Variants in CNBD1 observed in about 807,000 individuals in gnomAD.
CNBD1 encodes the protein cyclic nucleotide-binding domain-containing protein 1.
A neutral mutation model predicts 54.4 loss-of-function variants in CNBD1; 71 were observed. The ratio of observed to expected loss-of-function variants is 1.30; its 90% CI spans 1.08 to 1.59. The LOEUF is 1.59. Ranked by LOEUF, CNBD1 falls within the 40% of genes most tolerant of loss-of-function variation. The probability of loss-of-function intolerance (pLI) is 0.00; values close to 1 mark genes in which losing one functional copy is unlikely to be tolerated. For synonymous variants in CNBD1, 182 were observed against 170.7 expected (o/e 1.07, Z -0.51); for missense variants, 659 against 518.0 (o/e 1.27, Z -2.64).
At chr8:87,297,018 A>G (rs995047421) in intron 8 of CNBD1, among the ~76,000 whole-genome samples, 1 of 151,926 alleles carries the variant, frequency 6.6e-6, no homozygotes, top group South Asian at 2.1e-4. Flanking sequence ...TACTAAAAAT[A>G]CAAACAAAAA....
At position 87,371,995 on chromosome 8, in the gene CNBD1, AG is replaced by A. The variant is rs565066521; in HGVS notation, c.1304-10623del. On this transcript the variant is annotated intron_variant, in intron 10 of 10. Coordinates refer to ENST00000518476, the MANE Select transcript of CNBD1 (RefSeq NM_173538.3). ...GTTGGAAGTTCTGGCCAGGGCAATT[AG>A]GCAGGAGAAGGAAATAAAGGGTATT... Among the ~76,000 whole-genome samples the A allele has an allele frequency of 1.7e-3, 262 of 152,054 alleles. 1 individual carries two copies. Among genetic ancestry groups the A allele is most frequent in the African/African-American group, 5.9e-3 (245 of 41,494 alleles).
chr8:87,387,022 G>A (rs1196559006), downstream of CNBD1, among the ~76,000 whole-genome samples: 1 of 152,084 alleles, frequency 6.6e-6, no homozygotes, highest in Non-Finnish European at 1.5e-5. Flanking sequence ...CGTAAGTGAG[G>A]GAGAAATAAA....
chr8:87,073,420 C>G (rs1227427350), intron 4 of CNBD1, among the ~76,000 whole-genome samples: 1 of 152,040 alleles, frequency 6.6e-6, no homozygotes, highest in Non-Finnish European at 1.5e-5. Flanking sequence ...TTGATTCGTT[C>G]TTATCTTTGT....
chr8:87,204,009 G>C lies in CNBD1; in HGVS notation c.432-1984G>C, dbSNP rs143848522. On this transcript the variant is annotated intron_variant, in intron 4 of 10. Coordinates refer to ENST00000518476, the MANE Select transcript of CNBD1 (RefSeq NM_173538.3). ...GATCTGTTTTTTGGGAGGAACACCT[G>C]GCTCCACTACCTGGGAGGTTTTGTC... Among the ~76,000 whole-genome samples the C allele has an allele frequency of 2.7e-3, 408 of 152,250 alleles. 4 individuals carry two copies. Among genetic ancestry groups the C allele is most frequent in the Non-Finnish European group, 3.8e-3 (258 of 68,016 alleles).
At chr8:87,039,483 G>A (rs1810019653) in intron 4 of CNBD1, among the ~76,000 whole-genome samples, 1 of 151,980 alleles carries the variant, frequency 6.6e-6, no homozygotes, top group Non-Finnish European at 1.5e-5. Flanking sequence ...TTTACTAGAG[G>A]TTTATCTATT....
At chr8:87,416,995 A>G (rs913545788) in intron 2 of CNBD1, among the ~76,000 whole-genome samples, 2 of 152,206 alleles carry the variant, frequency 1.3e-5, no homozygotes, top group East Asian at 3.9e-4. Flanking sequence ...AATATCAAGT[A>G]TTATTTCATA....
intron 3 of CNBD1, among the ~76,000 whole-genome samples, chr8:86,938,914 G>T (rs1809599322): frequency 1.3e-5 from 2 of 152,082 alleles, no homozygotes; most frequent in African/African-American, 4.8e-5. Flanking sequence ...ATCTTCCTAT[G>T]TATATAATTA....
chr8:87,308,623 T>A (rs1441513820), intron 8 of CNBD1, among the ~76,000 whole-genome samples: 1 of 152,212 alleles, frequency 6.6e-6, no homozygotes, highest in African/African-American at 2.4e-5. Flanking sequence ...TCCAGCTATT[T>A]TGAAATATAC....
intron 2 of CNBD1, among the ~76,000 whole-genome samples, chr8:87,425,007 G>C (rs185724084): frequency 6.6e-6 from 1 of 152,020 alleles, no homozygotes; most frequent in Non-Finnish European, 1.5e-5. Flanking sequence ...TTTCTTGGAG[G>C]CTTTCCTCAT....
intron 8 of CNBD1, among the ~76,000 whole-genome samples, chr8:87,338,582 G>T (rs1011243518): frequency 6.7e-6 from 1 of 149,240 alleles, no homozygotes; most frequent in South Asian, 2.1e-4. Flanking sequence ...TATAGGTAAC[G>T]TATTTTTTAT....
intron 4 of CNBD1, among the ~76,000 whole-genome samples, chr8:87,186,974 T>C (rs1813491345): frequency 6.6e-6 from 1 of 152,116 alleles, no homozygotes; most frequent in Non-Finnish European, 1.5e-5. Context: ...TTAATTATCA[T>C]TGATTTGATA....
intron 4 of CNBD1, among the ~76,000 whole-genome samples, chr8:87,000,330 A>G (rs113095245): frequency 1.9e-4 from 29 of 152,198 alleles, no homozygotes; most frequent in African/African-American, 5.8e-4. Context: ...TGCCATGATT[A>G]TGTTACTTGA....
At chr8:87,017,391 C>A (rs1038894209) in intron 4 of CNBD1, among the ~76,000 whole-genome samples, 6 of 152,090 alleles carry the variant, frequency 3.9e-5, no homozygotes, top group Admixed American at 3.9e-4. Context: ...TTTATTGGGG[C>A]TAATGGCAAA....
intron 4 of CNBD1, among the ~76,000 whole-genome samples, chr8:87,074,483 T>C (rs1810826589): frequency 6.6e-6 from 1 of 152,136 alleles, no homozygotes; most frequent in African/African-American, 2.4e-5. Flanking sequence ...TATGTAAAAC[T>C]CCAGGATCTC....
chr8:87,322,036 G>T (rs1461267830), intron 8 of CNBD1, among the ~76,000 whole-genome samples: 1 of 139,894 alleles, frequency 7.1e-6, no homozygotes, highest in South Asian at 2.2e-4. Flanking sequence ...TCCCACCTAT[G>T]AGTGAGAATA....
At chr8:86,933,917 AAATT>A (rs1372426190) in intron 3 of CNBD1, among the ~76,000 whole-genome samples, 8 of 152,152 alleles carry the variant, frequency 5.3e-5, no homozygotes, top group African/African-American at 1.7e-4. Context: ...TCTGGAATAA[AAATT>A]AATCCATAAA....
chr8:87,387,254 A>C (rs1256536394), downstream of CNBD1, among the ~76,000 whole-genome samples: 1 of 152,190 alleles, frequency 6.6e-6, no homozygotes, highest in African/African-American at 2.4e-5. Flanking sequence ...CACACATAAC[A>C]ATATTAACCT....
intron 6 of CNBD1, among the ~76,000 whole-genome samples, chr8:87,259,534 T>A (rs759861585): frequency 6.6e-6 from 1 of 152,242 alleles, no homozygotes; most frequent in African/African-American, 2.4e-5. Flanking sequence ...TTACTGTTTT[T>A]ATTTCACTTT....
chr8:87,405,869 T>C (rs986242496), intron 2 of CNBD1, among the ~76,000 whole-genome samples: 3 of 152,160 alleles, frequency 2.0e-5, no homozygotes, highest in Non-Finnish European at 4.4e-5. Flanking sequence ...ATTAGAATTA[T>C]TGATATCTAT....
Sources: allele counts gnomAD v4.1 joint callset (sites outside exome capture counted in the v4.1 genomes callset), GRCh38; gene constraint gnomAD v4.1.1; transcripts MANE v1.5; gene names NCBI Gene and HGNC (gene_info 2026-07-23, HGNC 2026-07-21).